Variants in ATP9B observed in about 807,000 individuals in gnomAD.
ATP9B encodes the protein ATPase phospholipid transporting 9B.
In ATP9B, 110 loss-of-function variants were observed where a neutral mutation model predicts 146.1. The observed-to-expected ratio is 0.75, with a 90% CI of 0.65 to 0.88. ATP9B has a LOEUF of 0.88. Among genes scored for constraint, ATP9B ranks in the 40% least tolerant of loss-of-function variants. The pLI is 0.00. For synonymous variants in ATP9B, 604 were observed against 569.7 expected, an observed-to-expected ratio of 1.06 and a Z score of -0.86; for missense variants, 1,499 against 1,496.4, an observed-to-expected ratio of 1.00 and a Z score of -0.03.
Position 79,073,674 on chromosome 18 carries a change from G to A in ATP9B, c.119+4145G>A, listed in dbSNP as rs183570811. On this transcript the variant is annotated intron_variant, in intron 1 of 29. Transcript: ENST00000426216. The stretch of plus-strand genomic sequence containing the variant: ...GTGGAAAGCGGGAGACGGAGACGAC[G>A]GAGAGGGAGAAGGGAGAGGGTAATT... Among the ~76,000 whole-genome samples, 64 of 152,244 alleles carry A rather than the reference G, an allele frequency of 4.2e-4. 2 individuals carry two copies. Among genetic ancestry groups the A allele is most frequent in the South Asian group, 2.1e-4 (1 of 4,818 alleles).
intron 5 of ATP9B, among the ~76,000 whole-genome samples, chr18:79,129,984 C>T (rs559148181): frequency 1.3e-5 from 2 of 152,238 alleles, no homozygotes; most frequent in Admixed American, 1.3e-4. Context: ...TCAGGTGATC[C>T]ACTTGCCTTG....
At chr18:79,300,192 C>G (rs2096581210) in intron 13 of ATP9B, among the ~76,000 whole-genome samples, 1 of 152,170 alleles carries the variant, frequency 6.6e-6, no homozygotes, top group Admixed American at 6.5e-5. Flanking sequence ...CACTCCATGT[C>G]TGAAGTGGGG....
At chr18:79,289,570 G>A (rs1239667175) in intron 13 of ATP9B, among the ~76,000 whole-genome samples, 1 of 152,050 alleles carries the variant, frequency 6.6e-6, no homozygotes, top group Non-Finnish European at 1.5e-5. Flanking sequence ...ATTTCCTCCT[G>A]TAGCTCAGAG....
At position 79,377,534 on chromosome 18, in the gene ATP9B, C is replaced by T; in HGVS notation, c.*151C>T. On this transcript the variant is annotated 3_prime_UTR_variant, in exon 30 of 30. Coordinates refer to ENST00000426216, the MANE Select transcript of ATP9B (RefSeq NM_198531.5). Reference sequence around the variant, plus strand: ...GCCAGGCGAGCCCAGGGCACAGATGCTGAGACAGCCTCTCCTTCTCAGTGC... The same window carrying T: ...GCCAGGCGAGCCCAGGGCACAGATGTTGAGACAGCCTCTCCTTCTCAGTGC... 9.9e-7 allele frequency: 1 copy of T among 1,005,858 alleles called. No homozygotes were observed. The highest frequency in any genetic ancestry group is 1.6e-5 in the South Asian group (1 of 62,166). The allele number at this position is 1,005,858 out of a possible 1,614,324, so 62.3% of individuals were successfully genotyped here. A position where few individuals can be genotyped will look rare whatever the true frequency, so the allele number is the denominator to read the frequency against.
chr18:79,136,557 T>G (rs1394665028), intron 5 of ATP9B, among the ~76,000 whole-genome samples: 3 of 152,250 alleles, frequency 2.0e-5, no homozygotes, highest in Non-Finnish European at 4.4e-5. Flanking sequence ...CCCTCTCCAG[T>G]GTCAAGGTTT....
chr18:79,351,062 C>T (rs1490258941), intron 25 of ATP9B, among the ~76,000 whole-genome samples: 4 of 152,228 alleles, frequency 2.6e-5, no homozygotes, highest in Admixed American at 6.5e-5. Context: ...TGAGCCCCTT[C>T]GTCCAGCCTA....
chr18:79,166,746 A>C (rs1453628023), intron 7 of ATP9B, among the ~76,000 whole-genome samples: 1 of 152,084 alleles, frequency 6.6e-6, no homozygotes, highest in Non-Finnish European at 1.5e-5. Flanking sequence ...TTCCAGCCAC[A>C]AACCTCTATG....
In ATP9B at chr18:79,113,234, T is replaced by G. The variant is rs369945668; in HGVS notation, c.445-7T>G. 6.7e-7 allele frequency: 1 copy of G among 1,498,394 alleles called. No homozygotes were observed. The highest frequency in any genetic ancestry group is 9.1e-7 in the Non-Finnish European group (1 of 1,098,652). The allele number at this position is 1,498,394 out of a possible 1,614,324, so 92.8% of individuals were successfully genotyped here. A position where few individuals can be genotyped will look rare whatever the true frequency, so the allele number is the denominator to read the frequency against. On this transcript the variant is annotated splice_polypyrimidine_tract_variant and splice_region_variant and intron_variant, in intron 3 of 29. Coordinates refer to ENST00000426216, the MANE Select transcript of ATP9B (RefSeq NM_198531.5). ...GAATTTTGTTAATTTTCTCTTTTCC[T>G]TTTTAGGTTTTGTATGAACAATTCA... is the stretch of plus-strand genomic sequence containing the variant.
At chr18:79,367,432 C>T (rs1353393215) in intron 26 of ATP9B, among the ~76,000 whole-genome samples, 2 of 105,602 alleles carry the variant, frequency 1.9e-5, no homozygotes, top group African/African-American at 4.2e-5. Context: ...TCACCTCCAC[C>T]GTGTGTACGC....
At chr18:79,105,217 T>G (rs1454220144) in intron 2 of ATP9B, among the ~76,000 whole-genome samples, 1 of 152,208 alleles carries the variant, frequency 6.6e-6, no homozygotes, top group Non-Finnish European at 1.5e-5. Context: ...TTCTTATAAA[T>G]TTTCAGTTGT....
rs935834191 is a variant in ATP9B, at chr18:79,176,756, A to G, written c.779-57A>G. The G allele has an allele frequency of 2.5e-5, 37 of 1,455,252 alleles. No individual in the cohort carries two copies. In the African/African-American group the frequency reaches 2.9e-4, roughly 12 times the overall value. The allele number at this position is 1,455,252 out of a possible 1,614,324, so 90.1% of individuals were successfully genotyped here. On this transcript the variant is annotated intron_variant, in intron 7 of 29. Transcript: ENST00000426216. ...TATTCTTTGATGGCACCTGTAGCTC[A>G]GGAAAAACCTTCTGTAACAATTCAA...
At chr18:79,247,036 C>G (rs952998812) in intron 11 of ATP9B, among the ~76,000 whole-genome samples, 1 of 152,178 alleles carries the variant, frequency 6.6e-6, no homozygotes, top group African/African-American at 2.4e-5. Context: ...TGCATGTTAT[C>G]ACATGCATAT....
intron 27 of ATP9B, 22 bp from the exon 28 acceptor site, chr18:79,373,876 A>G (rs2097087911): frequency 6.2e-7 from 1 of 1,612,220 alleles, no homozygotes; most frequent in Non-Finnish European, 8.5e-7. Flanking sequence ...TGTGCATGGA[A>G]AAAGCTCCTG....
intron 29 of ATP9B, 137 bp downstream of exon 29, chr18:79,375,563 G>C: frequency 1.3e-6 from 2 of 1,482,696 alleles, no homozygotes; most frequent in Non-Finnish European, 1.8e-6. Context: ...CACGTAAACT[G>C]GTGGCCATGT....
intron 13 of ATP9B, among the ~76,000 whole-genome samples, chr18:79,294,914 T>C (rs1412558266): frequency 1.3e-5 from 2 of 152,202 alleles, no homozygotes; most frequent in Non-Finnish European, 1.5e-5. Flanking sequence ...ATCTGTCTTC[T>C]TGAGGTAATT....
chr18:79,365,042 T>C (rs2097018201), intron 26 of ATP9B, among the ~76,000 whole-genome samples: 1 of 147,182 alleles, frequency 6.8e-6, no homozygotes, highest in Non-Finnish European at 1.5e-5. Context: ...AAAAAAAAAG[T>C]TTTTCTCTCT....
At chr18:79,361,217 G>A (rs994039281) in intron 26 of ATP9B, 10 of 152,178 alleles carry the variant, frequency 6.6e-5, no homozygotes, top group Non-Finnish European at 1.3e-4. Context: ...CTATTGGAGT[G>A]GGGCAGTAAC....
At chr18:79,218,085 C>A (rs114486292) in intron 11 of ATP9B, among the ~76,000 whole-genome samples, 3,401 of 152,350 alleles carry the variant, frequency 0.022, 133 homozygotes, top group African/African-American at 0.077. Flanking sequence ...GCCTCATACT[C>A]CGCAGTGGCT....
chr18:79,233,057 C>G (rs2095806881), intron 11 of ATP9B, among the ~76,000 whole-genome samples: 1 of 152,078 alleles, frequency 6.6e-6, no homozygotes, highest in Non-Finnish European at 1.5e-5. Context: ...TTTGGGAGTT[C>G]AAGGTGGGCA....
Sources: allele counts gnomAD v4.1 joint callset (sites outside exome capture counted in the v4.1 genomes callset), GRCh38; gene constraint gnomAD v4.1.1; transcripts MANE v1.5; gene names NCBI Gene and HGNC (gene_info 2026-07-23, HGNC 2026-07-21).